XIAP: variants seen among roughly 807,000 people sequenced by gnomAD.
XIAP encodes the protein E3 ubiquitin-protein ligase XIAP.
Under a neutral mutation model 33.1 loss-of-function variants are expected in XIAP, and 3 were observed. The observed-to-expected ratio is 0.09, with a 90% CI of 0.04 to 0.23. XIAP has a LOEUF of 0.23. Ranked by LOEUF, XIAP falls within the 10% of genes least tolerant of loss-of-function variation. XIAP has a pLI of 1.00. For synonymous variants in XIAP, 98 were observed against 121.3 expected (o/e 0.81, Z 1.26); for missense variants, 264 against 363.0 (o/e 0.73, Z 2.22).
chrX:123,904,405 T>C (rs1017981777), intron 6 of XIAP, among the ~76,000 whole-genome samples: 1 of 111,561 alleles, frequency 9.0e-6, no homozygotes, highest in Admixed American at 9.6e-5. Flanking sequence ...TCTTTACTTG[T>C]ATTTTTTCCT....
chrX:123,865,398 A>G (rs189518842), intron 1 of XIAP, among the ~76,000 whole-genome samples: 19 of 110,585 alleles, frequency 1.7e-4, no homozygotes, highest in Admixed American at 5.8e-4. Context: ...CACATTTTTG[A>G]TATGTTATTT....
intron 2 of XIAP, among the ~76,000 whole-genome samples, chrX:123,887,046 A>G (rs1191028076): frequency 8.9e-6 from 1 of 111,828 alleles, no homozygotes; most frequent in African/African-American, 3.2e-5. Flanking sequence ...CAGCCTCCTG[A>G]GTAGCTGGGA....
chrX:123,873,283 C>T (rs1329122182), intron 1 of XIAP, among the ~76,000 whole-genome samples: 10 of 109,490 alleles, frequency 9.1e-5, no homozygotes, highest in Non-Finnish European at 1.3e-4. Flanking sequence ...CCTCCCGCCT[C>T]GGCCTCCCAA....
chrX:123,906,210 G>A (rs1413204913), intron 6 of XIAP, among the ~76,000 whole-genome samples: 1 of 111,835 alleles, frequency 8.9e-6, no homozygotes, highest in Non-Finnish European at 1.9e-5. Context: ...TTTGGGAAAG[G>A]CTGAATTAAG....
intron 5 of XIAP, 49 bp downstream of exon 5, chrX:123,892,822 A>G: frequency 7.6e-6 from 8 of 1,054,700 alleles, no homozygotes; most frequent in Non-Finnish European, 1.0e-5. Flanking sequence ...CAATTTATTT[A>G]TTTATTTATT....
chrX:123,877,068 CTTT>C (rs771164262), intron 1 of XIAP, among the ~76,000 whole-genome samples: 1 of 97,568 alleles, frequency 1.0e-5, no homozygotes, highest in Non-Finnish European at 2.1e-5. Flanking sequence ...AATTAATTGC[CTTT>C]TTTTTTTTTT....
intron 1 of XIAP, among the ~76,000 whole-genome samples, chrX:123,861,019 G>T (rs1250993566): frequency 8.9e-6 from 1 of 111,746 alleles, no homozygotes; most frequent in East Asian, 2.8e-4. Context: ...ACAGAAATTT[G>T]TAAGACTGGA....
intron 1 of XIAP, among the ~76,000 whole-genome samples, chrX:123,873,278 C>T (rs760644956): frequency 8.2e-5 from 9 of 109,428 alleles, no homozygotes; most frequent in Admixed American, 2.9e-4. Context: ...ATGATCCTCC[C>T]GCCTCGGCCT....
chrX:123,901,570 C>T (rs1277010347), intron 6 of XIAP, among the ~76,000 whole-genome samples: 2 of 112,043 alleles, frequency 1.8e-5, no homozygotes, highest in Admixed American at 1.9e-4. Flanking sequence ...AAAACTTAAA[C>T]GTTTACTTAT....
At chrX:123,891,212 T>C in intron 3 of XIAP, 26 bp from the exon 4 acceptor site, 1 of 826,446 alleles carries the variant, frequency 1.2e-6, no homozygotes, top group Non-Finnish European at 1.8e-6. Context: ...TATCAGCTAC[T>C]AAAGTTTAAT....
rs2148116874 is a variant in XIAP at position 123,912,437 on chromosome X, G to A, written c.*5256G>A. The A allele has an allele frequency of 3.1e-6, 1 of 324,927 alleles. No homozygotes were observed. Among genetic ancestry groups the A allele is most frequent in the African/African-American group, 2.7e-5 (1 of 36,900 alleles). 26.8% of individuals were successfully genotyped at this position (324,927 alleles called of 1,213,427 possible). A position where few individuals can be genotyped will look rare whatever the true frequency, so the allele number is the denominator to read the frequency against. ...CTGGACATGAATTAAAGTATATGAT[G>A]CCAGCCTGGACAAAAGGCAAAACCC... On this transcript the variant is annotated 3_prime_UTR_variant, in exon 7 of 7. Coordinates refer to ENST00000371199, the MANE Select transcript of XIAP (RefSeq NM_001167.4).
At chrX:123,896,614 T>C (rs1452270380) in intron 5 of XIAP, among the ~76,000 whole-genome samples, 1 of 105,576 alleles carries the variant, frequency 9.5e-6, no homozygotes, top group Non-Finnish European at 1.9e-5. Flanking sequence ...GGAGTCTTGC[T>C]CTGTTGCCCA....
At chrX:123,897,389 G>C (rs1002890586) in intron 5 of XIAP, among the ~76,000 whole-genome samples, 1 of 111,449 alleles carries the variant, frequency 9.0e-6, no homozygotes, top group African/African-American at 3.3e-5. Context: ...CTTACATTCT[G>C]GTCTTTGATC....
At position 123,875,611 on chromosome X, in the gene XIAP, A is replaced by G. The variant is rs771421289; in HGVS notation, c.-32-10020A>G. Reference sequence around the variant, plus strand: ...TATTAATGAGGTTTAACATTGTTGCATATGTTTGTTGACCATTAATATTTC... The same window carrying G: ...TATTAATGAGGTTTAACATTGTTGCGTATGTTTGTTGACCATTAATATTTC... On this transcript the variant is annotated intron_variant, in intron 1 of 6. Coordinates refer to ENST00000371199, the MANE Select transcript of XIAP (RefSeq NM_001167.4). Among the ~76,000 whole-genome samples, 158 of 112,047 alleles carry G rather than the reference A, an allele frequency of 1.4e-3. No homozygotes were observed. The Admixed American group carries it at 0.015, about 11-fold the overall frequency.
intron 1 of XIAP, among the ~76,000 whole-genome samples, chrX:123,867,801 G>A (rs2053157662): frequency 9.4e-6 from 1 of 106,600 alleles, no homozygotes; most frequent in East Asian, 2.9e-4. Flanking sequence ...AGCCTCCCAA[G>A]TAGCTGGGAT....
rs2053565037 is a variant in XIAP, at chrX:123,907,630, T to C, written c.*449T>C. ...GAAAAAGGAATAAATTGTTCCATGC[T>C]GGTGGAAAGATAGAGATTGTTTTTA... On this transcript the variant is annotated 3_prime_UTR_variant, in exon 7 of 7. Coordinates refer to ENST00000371199, the MANE Select transcript of XIAP (RefSeq NM_001167.4). 2 of 374,971 alleles carry C rather than the reference T, an allele frequency of 5.3e-6. No individual in the cohort carries two copies. The highest frequency in any genetic ancestry group is 2.7e-5 in the South Asian group (1 of 37,263). The allele number at this position is 374,971 out of a possible 1,213,427, so 30.9% of individuals were successfully genotyped here.
chrX:123,902,808 A>AATT (rs774007690), intron 6 of XIAP, among the ~76,000 whole-genome samples: 1 of 112,102 alleles, frequency 8.9e-6, no homozygotes. Context: ...CTGCTCTAAT[A>AATT]GTAAAATGAA....
At chrX:123,868,566 C>T (rs5910043) in intron 1 of XIAP, among the ~76,000 whole-genome samples, 1 of 110,521 alleles carries the variant, frequency 9.0e-6, no homozygotes, top group Non-Finnish European at 1.9e-5. Context: ...GCTATCTCTA[C>T]TAAAAATAGA....
chrX:123,893,067 G>A (rs1220306404), intron 5 of XIAP, among the ~76,000 whole-genome samples: 3 of 108,666 alleles, frequency 2.8e-5, no homozygotes, highest in Admixed American at 2.0e-4. Context: ...TGATGCGCCC[G>A]CCTCGGCCTT....
Sources: allele counts gnomAD v4.1 joint callset (sites outside exome capture counted in the v4.1 genomes callset), GRCh38; gene constraint gnomAD v4.1.1; transcripts MANE v1.5; gene names NCBI Gene and HGNC (gene_info 2026-07-23, HGNC 2026-07-21).